LARGE1: variants seen among roughly 807,000 people sequenced by gnomAD.
The protein encoded by LARGE1 is LARGE xylosyl- and glucuronyltransferase 1.
A neutral mutation model predicts 87.6 loss-of-function variants in LARGE1; 43 were observed. The observed-to-expected ratio is 0.49, with a 90% CI of 0.38 to 0.63. The LOEUF is 0.63. Ranked by LOEUF, LARGE1 falls within the 30% of genes least tolerant of loss-of-function variation. The pLI, the probability that LARGE1 is intolerant of heterozygous loss-of-function variation, is 0.00. For synonymous variants in LARGE1, 434 were observed against 394.6 expected, an observed-to-expected ratio of 1.10 and a Z score of -1.18; for missense variants, 802 against 1,000.2, an observed-to-expected ratio of 0.80 and a Z score of 2.67.
intron 6 of LARGE1, among the ~76,000 whole-genome samples, chr22:33,437,345 C>T (rs577539978): frequency 5.3e-5 from 8 of 152,276 alleles, no homozygotes; most frequent in South Asian, 2.1e-4. Flanking sequence ...CAGAGCCAGA[C>T]GCCTGGGCTC....
At chr22:33,649,270 C>A (rs934428645) in intron 3 of LARGE1, among the ~76,000 whole-genome samples, 1 of 152,152 alleles carries the variant, frequency 6.6e-6, no homozygotes, top group Non-Finnish European at 1.5e-5. Flanking sequence ...TTGTTAGTGA[C>A]ACTGGATAGT....
chr22:33,705,269 CAG>C (rs1257811448), intron 2 of LARGE1, among the ~76,000 whole-genome samples: 9 of 152,318 alleles, frequency 5.9e-5, no homozygotes, highest in African/African-American at 2.2e-4. Flanking sequence ...CAGATTCTTG[CAG>C]AGTCTGTTCC....
chr22:33,858,888 G>T (rs1036638884), intron 1 of LARGE1, among the ~76,000 whole-genome samples: 1 of 152,158 alleles, frequency 6.6e-6, no homozygotes, highest in Non-Finnish European at 1.5e-5. Flanking sequence ...CATGTCTTTT[G>T]CAGGGACATG....
At position 33,285,401 on chromosome 22, in the gene LARGE1, G is replaced by A. The variant is rs560041982; in HGVS notation, c.1731-2053C>T. Among the ~76,000 whole-genome samples, 237 of 152,218 alleles carry A rather than the reference G, an allele frequency of 1.6e-3. 2 individuals carry two copies. Among genetic ancestry groups the A allele is most frequent in the African/African-American group, 4.5e-3 (189 of 41,548 alleles). ...AGCCCTTCGGGAGGCTTAGGCAGGC[G>A]GATCACAAGGTCAGGAGTTTGAGAC... On this transcript the variant is annotated intron_variant, in intron 12 of 14. Coordinates refer to ENST00000397394, the MANE Select transcript of LARGE1 (RefSeq NM_133642.5).
chr22:33,266,219 C>CTTTTTTTTT (rs983805203), intron 11 of LARGE1, among the ~76,000 whole-genome samples: 5 of 106,902 alleles, frequency 4.7e-5, no homozygotes, highest in African/African-American at 1.3e-4. Flanking sequence ...ATTTTCAGGG[C>CTTTTTTTTT]TTTTTTTTTT....
chr22:33,902,550 C>T (rs1240203771), intron 1 of LARGE1, among the ~76,000 whole-genome samples: 5 of 152,182 alleles, frequency 3.3e-5, no homozygotes, highest in African/African-American at 7.2e-5. Flanking sequence ...CTCATCTGTA[C>T]GTTTTGTCTT....
At chr22:33,541,403 T>C (rs1490297884) in intron 6 of LARGE1, among the ~76,000 whole-genome samples, 1 of 152,158 alleles carries the variant, frequency 6.6e-6, no homozygotes, top group Non-Finnish European at 1.5e-5. Flanking sequence ...CCCAATTTTA[T>C]AAAAGAATCC....
intron 2 of LARGE1, among the ~76,000 whole-genome samples, chr22:33,680,540 A>G (rs1276952067): frequency 6.6e-6 from 1 of 152,138 alleles, no homozygotes; most frequent in Non-Finnish European, 1.5e-5. Flanking sequence ...ACCGGCTGAG[A>G]GCAGATCTCA....
At chr22:33,778,275 C>T (rs371237731) in intron 1 of LARGE1, among the ~76,000 whole-genome samples, 3 of 152,000 alleles carry the variant, frequency 2.0e-5, no homozygotes, top group Non-Finnish European at 4.4e-5. Flanking sequence ...TTCAAGATAC[C>T]CCCTGATTTG....
At chr22:33,728,481 G>A (rs2083340525) in intron 2 of LARGE1, among the ~76,000 whole-genome samples, 1 of 140,142 alleles carries the variant, frequency 7.1e-6, no homozygotes. Flanking sequence ...AGAGGCTGCA[G>A]TGAGCCAAGA....
intron 6 of LARGE1, among the ~76,000 whole-genome samples, chr22:33,549,005 A>C (rs2148683381): frequency 6.6e-6 from 1 of 152,334 alleles, no homozygotes; most frequent in South Asian, 2.1e-4. Flanking sequence ...TCCTTTTCTG[A>C]TGGAGGTGGT....
chr22:33,196,668 T>A (rs5998802), intron 11 of LARGE1, among the ~76,000 whole-genome samples: 4,727 of 151,220 alleles, frequency 0.031, 253 homozygotes, highest in African/African-American at 0.11. Context: ...ACAATAAGAG[T>A]AAATACTAAT....
intron 1 of LARGE1, among the ~76,000 whole-genome samples, chr22:33,771,940 G>A (rs941502563): frequency 5.3e-5 from 8 of 152,070 alleles, no homozygotes; most frequent in South Asian, 4.1e-4. Context: ...CGCATACATC[G>A]TCCTCTCTCC....
intron 7 of LARGE1, among the ~76,000 whole-genome samples, chr22:33,429,647 T>C (rs2067007744): frequency 6.6e-6 from 1 of 152,190 alleles, no homozygotes; most frequent in Admixed American, 6.5e-5. Flanking sequence ...TATATTTCTA[T>C]GTGACATTTT....
intron 2 of LARGE1, among the ~76,000 whole-genome samples, chr22:33,687,053 G>C (rs1374643505): frequency 6.6e-6 from 1 of 151,818 alleles, no homozygotes; most frequent in Admixed American, 6.6e-5. Context: ...TGCCAAGCTT[G>C]TTCTGTCTTG....
chr22:33,196,810 G>A (rs1924107241), intron 11 of LARGE1, among the ~76,000 whole-genome samples: 1 of 151,778 alleles, frequency 6.6e-6, no homozygotes, highest in Non-Finnish European at 1.5e-5. Flanking sequence ...GAGAAAGGAT[G>A]AAAAAAGAAG....
chr22:33,346,546 G>T (rs1245767040), intron 9 of LARGE1, among the ~76,000 whole-genome samples: 4 of 151,992 alleles, frequency 2.6e-5, no homozygotes, highest in Non-Finnish European at 5.9e-5. Context: ...CAGTTGATCT[G>T]CCCACCTCGG....
In LARGE1 at chr22:33,715,025, C is replaced by T. The variant is rs16992857; in HGVS notation, c.106+46346G>A. ...TATTTAAGAAGCAGGACTATCTGAA[C>T]TCCATGCTCAATTGATGGAGGCTTC... On this transcript the variant is annotated intron_variant, in intron 2 of 14. Transcript: ENST00000397394. Among the ~76,000 whole-genome samples the T allele has an allele frequency of 7.7e-3, 1,180 of 152,340 alleles. 20 individuals carry two copies. The highest frequency in any genetic ancestry group is 0.027 in the African/African-American group (1,135 of 41,578).
chr22:33,472,621 C>T (rs112978771), intron 6 of LARGE1, among the ~76,000 whole-genome samples: 2 of 152,142 alleles, frequency 1.3e-5, no homozygotes, highest in African/African-American at 4.8e-5. Flanking sequence ...CCTTGCCTCT[C>T]ATGACTTTCA....
Sources: allele counts gnomAD v4.1 joint callset (sites outside exome capture counted in the v4.1 genomes callset), GRCh38; gene constraint gnomAD v4.1.1; transcripts MANE v1.5; gene names NCBI Gene and HGNC (gene_info 2026-07-23, HGNC 2026-07-21).